The following DCC variants were observed in gnomAD, a reference collection of about 807,000 sequenced individuals.
DCC encodes the protein netrin receptor DCC.
DCC carries 58 observed loss-of-function variants against 172.5 expected under a neutral mutation model. That is an observed-to-expected ratio of 0.34 (90% CI 0.27 to 0.42). The LOEUF (loss-of-function observed/expected upper bound fraction) is 0.42. Among genes scored for constraint, DCC ranks in the 10% least tolerant of loss-of-function variants. The probability of loss-of-function intolerance (pLI) is 1.00; values close to 1 mark genes in which losing one functional copy is unlikely to be tolerated. For synonymous variants in DCC, 709 were observed against 644.5 expected (o/e 1.10, Z -1.52); for missense variants, 1,740 against 1,791.0 (o/e 0.97, Z 0.51).
Position 53,179,029 on chromosome 18 carries a change from G to A in DCC, c.1486G>A (p.Ala496Thr). 1 of 1,614,070 alleles carries A rather than the reference G, an allele frequency of 6.2e-7. No homozygotes were observed. Among genetic ancestry groups the A allele is most frequent in the Non-Finnish European group, 8.5e-7 (1 of 1,179,970 alleles). Reference sequence around the variant, plus strand: ...CACTGTGGGAAACCTGAAGCCAGAAGCCATGTACACCTTTCGAGTTGTGGC... The same window carrying A: ...CACTGTGGGAAACCTGAAGCCAGAAACCATGTACACCTTTCGAGTTGTGGC... The part of the protein sequence containing the change: ...QLTVGNLKPE[A>T]MYTFRVVAYN... The change falls in exon 9 of 29, where the codon GCC becomes ACC. Residue 496 changes from alanine (A) to threonine (T), a missense_variant. This residue lies in a region of DCC where 1,732 missense variants were observed against 1,767.4 expected (regional missense o/e 0.98). Transcript: ENST00000442544.
At chr18:52,892,515 C>A (rs2039665687) in intron 2 of DCC, 2 of 152,086 alleles carry the variant, frequency 1.3e-5, no homozygotes, top group Admixed American at 6.6e-5. Flanking sequence ...TTTTCTACAG[C>A]CCAATCATTG....
intron 27 of DCC, among the ~76,000 whole-genome samples, chr18:53,522,005 A>G (rs1225475997): frequency 6.6e-6 from 1 of 152,122 alleles, no homozygotes; most frequent in East Asian, 1.9e-4. Flanking sequence ...CATTGCAAGC[A>G]TTCTTGAAGG....
At chr18:52,660,561 G>A (rs1354008975) in intron 1 of DCC, among the ~76,000 whole-genome samples, 1 of 152,130 alleles carries the variant, frequency 6.6e-6, no homozygotes, top group Non-Finnish European at 1.5e-5. Context: ...CTGGGGTCAA[G>A]GTGACAAAAC....
intron 13 of DCC, among the ~76,000 whole-genome samples, chr18:53,320,129 G>T (rs2057392403): frequency 7.1e-6 from 1 of 139,926 alleles, no homozygotes; most frequent in African/African-American, 2.7e-5. Context: ...CTGGAGTGCA[G>T]TGGCATGGTC....
chr18:52,493,826 A>G (rs948746404), intron 1 of DCC, among the ~76,000 whole-genome samples: 4 of 152,008 alleles, frequency 2.6e-5, no homozygotes, highest in African/African-American at 9.7e-5. Context: ...ACTTTACTGC[A>G]TTTACCCTTT....
intron 13 of DCC, among the ~76,000 whole-genome samples, chr18:53,315,760 C>A (rs1426268914): frequency 6.6e-6 from 1 of 151,782 alleles, no homozygotes; most frequent in African/African-American, 2.4e-5. Flanking sequence ...GGAATGTCTT[C>A]TTTTGTAGTA....
chr18:52,543,094 CT>C (rs965781785), intron 1 of DCC, among the ~76,000 whole-genome samples: 2 of 152,098 alleles, frequency 1.3e-5, no homozygotes, highest in African/African-American at 4.8e-5. Context: ...CCTGGGGAGG[CT>C]GAGTTCTTTA....
At chr18:52,627,396 G>A (rs1475871478) in intron 1 of DCC, among the ~76,000 whole-genome samples, 1 of 152,164 alleles carries the variant, frequency 6.6e-6, no homozygotes, top group Non-Finnish European at 1.5e-5. Flanking sequence ...TAGGGATGTG[G>A]AGATTCACAA....
intron 8 of DCC, among the ~76,000 whole-genome samples, chr18:53,161,702 C>T (rs1218287109): frequency 6.6e-6 from 1 of 152,090 alleles, no homozygotes; most frequent in Admixed American, 6.5e-5. Flanking sequence ...TTCCAGAGTT[C>T]CCCCCACTTT....
chr18:53,497,496 T>C (rs2046039124), intron 26 of DCC, among the ~76,000 whole-genome samples: 1 of 152,204 alleles, frequency 6.6e-6, no homozygotes, highest in Non-Finnish European at 1.5e-5. Flanking sequence ...TTCAGGCCAG[T>C]GCCACAAAGA....
At chr18:52,929,227 A>G (rs2040265200) in intron 5 of DCC, among the ~76,000 whole-genome samples, 1 of 152,108 alleles carries the variant, frequency 6.6e-6, no homozygotes, top group Non-Finnish European at 1.5e-5. Context: ...GCACAGAAAG[A>G]TAAGTGGCTA....
intron 1 of DCC, among the ~76,000 whole-genome samples, chr18:52,613,784 G>T (rs2034321198): frequency 6.6e-6 from 1 of 152,118 alleles, no homozygotes; most frequent in Non-Finnish European, 1.5e-5. Context: ...TCACATCCAG[G>T]TGGAGGAAAT....
intron 1 of DCC, among the ~76,000 whole-genome samples, chr18:52,351,634 A>T (rs1984126146): frequency 6.6e-6 from 1 of 152,112 alleles, no homozygotes; most frequent in Non-Finnish European, 1.5e-5. Flanking sequence ...GGGAAACAAA[A>T]CTTCACCTTT....
chr18:52,682,546 A>T (rs1359808404), intron 1 of DCC, among the ~76,000 whole-genome samples: 1 of 152,078 alleles, frequency 6.6e-6, no homozygotes, highest in African/African-American at 2.4e-5. Flanking sequence ...GAACTAGATC[A>T]TGCAGAGCAT....
At chr18:53,123,396 G>T (rs919511487) in intron 7 of DCC, among the ~76,000 whole-genome samples, 11 of 152,076 alleles carry the variant, frequency 7.2e-5, no homozygotes, top group Admixed American at 5.2e-4. Flanking sequence ...TGGGTTTTGG[G>T]GCTAGATCAG....
chr18:52,544,980 G>A (rs1005542232), intron 1 of DCC, among the ~76,000 whole-genome samples: 1 of 152,148 alleles, frequency 6.6e-6, no homozygotes, highest in African/African-American at 2.4e-5. Context: ...CTTGGAGATG[G>A]AACAATTAAG....
In DCC at chr18:52,370,959, C is replaced by A. The variant is rs1201500487; in HGVS notation, c.91+30081C>A. On this transcript the variant is annotated intron_variant, in intron 1 of 28. Transcript: ENST00000442544. ...TACCAGATGGAGATAATGGAACAGA[C>A]TTCGGTAAATACAGAGAGCATGCTA... is the stretch of plus-strand genomic sequence containing the variant. Among the ~76,000 whole-genome samples the A allele has an allele frequency of 2.0e-5, 3 of 152,256 alleles. No homozygotes were observed. In the East Asian group the frequency reaches 5.8e-4, roughly 29 times the overall value.
chr18:52,741,196 C>T (rs775733292), intron 1 of DCC, among the ~76,000 whole-genome samples: 2 of 152,218 alleles, frequency 1.3e-5, no homozygotes, highest in African/African-American at 2.4e-5. Flanking sequence ...TCTCATCCCT[C>T]AAAACCCTAT....
Position 52,869,556 on chromosome 18 carries a change from C to T in DCC, c.413-36488C>T, listed in dbSNP as rs144529433. Among the ~76,000 whole-genome samples the T allele has an allele frequency of 7.2e-4, 110 of 152,310 alleles. No homozygotes were observed. In the East Asian group the frequency reaches 0.015, roughly 20 times the overall value. ...TCCTGGCTTGAAGGTGGGGCCTCAC[C>T]GTGGACCCACCCCCTTCTGCCCAGG... is the stretch of plus-strand genomic sequence containing the variant. On this transcript the variant is annotated intron_variant, in intron 2 of 28. Transcript: ENST00000442544.
Sources: gnomAD v4.1 joint callset for allele counts (sites outside exome capture counted in the v4.1 genomes callset) on GRCh38, gnomAD v4.1.1 for gene constraint, gnomAD v4.1.1 regional missense constraint, MANE v1.5 for transcripts, NCBI Gene and HGNC (gene_info 2026-07-23, HGNC 2026-07-21) for gene names.